The following CYTH4 variants were observed in gnomAD, a reference collection of about 807,000 sequenced individuals.
CYTH4 encodes cytohesin-4.
CYTH4 carries 22 observed loss-of-function variants against 57.5 expected under a neutral mutation model. The ratio of observed to expected loss-of-function variants is 0.38; its 90% confidence interval spans 0.27 to 0.55. The LOEUF is 0.55. Ranked by LOEUF, CYTH4 falls within the 20% of genes least tolerant of loss-of-function variation. The pLI is 0.74. For missense variants in CYTH4, 420 were observed against 535.6 expected (o/e 0.78, Z 2.13); for synonymous variants, 186 against 206.5 (o/e 0.90, Z 0.85).
At chr22:37,284,035 G>A (rs541726650) in intron 1 of CYTH4, among the ~76,000 whole-genome samples, 4 of 152,276 alleles carry the variant, frequency 2.6e-5, no homozygotes, top group East Asian at 1.9e-4. Flanking sequence ...AACTAGAGAC[G>A]GGGACTGACT....
In CYTH4 at chr22:37,295,296, G is replaced by A. The variant is rs962615659; in HGVS notation, c.167+572G>A. On this transcript the variant is annotated intron_variant, in intron 3 of 12. Transcript: ENST00000248901. The surrounding 1 kb of genome is among the most constrained non-coding windows in gnomAD (Gnocchi z 4.1). ...CAGTGCACTGACTCTGACACACGATGTCCTGGCAATTTCCCATCCTGCGCC... is the reference window on the plus strand; with the variant it reads ...CAGTGCACTGACTCTGACACACGATATCCTGGCAATTTCCCATCCTGCGCC... Among the ~76,000 whole-genome samples the A allele has an allele frequency of 2.6e-5, 4 of 151,194 alleles. No homozygotes were observed. The highest frequency in any genetic ancestry group is 6.6e-5 in the Admixed American group (1 of 15,202).
Position 37,295,928 on chromosome 22 carries a change from G to A in CYTH4, c.168-71G>A. On this transcript the variant is annotated intron_variant, in intron 3 of 12. Coordinates refer to ENST00000248901, the MANE Select transcript of CYTH4 (RefSeq NM_013385.5). This position sits in a 1 kb window ranked among gnomAD's most constrained non-coding sequence, Gnocchi z 4.1. Reference sequence around the variant, plus strand: ...GGGGTATGGGCTCCTGCTGAGGCAAGGGTCCTTGGGGAGTGGAGAGGGTAA... The same window carrying A: ...GGGGTATGGGCTCCTGCTGAGGCAAAGGTCCTTGGGGAGTGGAGAGGGTAA... 2.6e-6 allele frequency: 4 copies of A among 1,519,382 alleles called. No individual in the cohort carries two copies. The highest frequency in any genetic ancestry group is 1.2e-5 in the South Asian group (1 of 84,962). 94.1% of individuals were successfully genotyped at this position (1,519,382 alleles called of 1,614,324 possible). A position where few individuals can be genotyped will look rare whatever the true frequency, so the allele number is the denominator to read the frequency against.
In CYTH4 at chr22:37,303,161, C is replaced by A; in HGVS notation, c.548-93C>A. 5.6e-6 allele frequency: 8 copies of A among 1,439,048 alleles called. No individual in the cohort carries two copies. The Admixed American group carries it at 7.3e-5, about 13-fold the overall frequency. The allele number at this position is 1,439,048 out of a possible 1,614,324, so 89.1% of individuals were successfully genotyped here. A position where few individuals can be genotyped will look rare whatever the true frequency, so the allele number is the denominator to read the frequency against. On this transcript the variant is annotated intron_variant, in intron 7 of 12. Coordinates refer to ENST00000248901, the MANE Select transcript of CYTH4 (RefSeq NM_013385.5). Reference sequence around the variant, plus strand: ...AGGAGGACAAGGTGGACCTTCGGGGCCTTGCAATGGCAGTTCTGGGCCCTG... The same window carrying A: ...AGGAGGACAAGGTGGACCTTCGGGGACTTGCAATGGCAGTTCTGGGCCCTG...
At chr22:37,291,886 G>GCA (rs1207516985) in intron 1 of CYTH4, among the ~76,000 whole-genome samples, 2 of 152,212 alleles carry the variant, frequency 1.3e-5, no homozygotes, top group African/African-American at 4.8e-5. Context: ...AGATGAAAGA[G>GCA]CACAGGCTTT....
In CYTH4 at chr22:37,313,603, T is replaced by C. The variant is rs568101426; in HGVS notation, c.*92T>C. 309 of 1,169,162 alleles carry C rather than the reference T, an allele frequency of 2.6e-4. No individual in the cohort carries two copies. Among genetic ancestry groups the C allele is most frequent in the Non-Finnish European group, 3.6e-5 (28 of 783,976 alleles). The allele number at this position is 1,169,162 out of a possible 1,614,324, so 72.4% of individuals were successfully genotyped here. On this transcript the variant is annotated 3_prime_UTR_variant, in exon 13 of 13. Transcript: ENST00000248901. Reference sequence around the variant, plus strand: ...CCACCTCCCACCCCAGTGCACTCTTTTGGGCCACAGACATCATTGCTGTTC... The same window carrying C: ...CCACCTCCCACCCCAGTGCACTCTTCTGGGCCACAGACATCATTGCTGTTC...
chr22:37,282,515 A>C lies in CYTH4; in HGVS notation c.-55A>C. The C allele has an allele frequency of 6.2e-7, 1 of 1,612,322 alleles. No homozygotes were observed. The highest frequency in any genetic ancestry group is 8.5e-7 in the Non-Finnish European group (1 of 1,179,298). ...TCCTTGCCGGGCCAGCCCGAACAGCAGCTGGGTCGGCAAGCGACAGGAGCA... is the reference window on the plus strand; with the variant it reads ...TCCTTGCCGGGCCAGCCCGAACAGCCGCTGGGTCGGCAAGCGACAGGAGCA... On this transcript the variant is annotated 5_prime_UTR_variant, in exon 1 of 13. Transcript: ENST00000248901.
chr22:37,284,449 G>A (rs1928476734), intron 1 of CYTH4, among the ~76,000 whole-genome samples: 1 of 152,210 alleles, frequency 6.6e-6, no homozygotes, highest in Non-Finnish European at 1.5e-5. Flanking sequence ...GGGCAGAGGA[G>A]ATCTGGGAAG....
intron 1 of CYTH4, among the ~76,000 whole-genome samples, chr22:37,285,402 A>T (rs1457031641): frequency 1.3e-5 from 2 of 152,068 alleles, no homozygotes; most frequent in Non-Finnish European, 2.9e-5. Context: ...TATTATTATT[A>T]GTATTTAAAA....
At chr22:37,299,188 C>G (rs1356050037) in intron 5 of CYTH4, 38 bp from the exon 6 acceptor site, 1 of 1,542,394 alleles carries the variant, frequency 6.5e-7, no homozygotes, top group South Asian at 1.1e-5. Flanking sequence ...AGCAAGTATC[C>G]AAGTGTGTCC....
chr22:37,286,211 G>A (rs534221923), intron 1 of CYTH4, among the ~76,000 whole-genome samples: 5 of 152,250 alleles, frequency 3.3e-5, no homozygotes, highest in South Asian at 2.1e-4. Flanking sequence ...TTGATGGTTC[G>A]TATGGAGAGA....
intron 2 of CYTH4, among the ~76,000 whole-genome samples, chr22:37,293,071 C>T (rs916108587): frequency 1.3e-5 from 2 of 152,252 alleles, no homozygotes. Context: ...CAGTATGTGC[C>T]CTGCACTTAC....
intron 4 of CYTH4, 116 bp from the exon 5 acceptor site, chr22:37,297,448 C>A: frequency 1.1e-6 from 1 of 870,134 alleles, no homozygotes; most frequent in Non-Finnish European, 1.8e-6. Context: ...ACAGACTGTG[C>A]CAACACCAGA....
At chr22:37,287,242 C>G (rs1439861730) in intron 1 of CYTH4, among the ~76,000 whole-genome samples, 1 of 152,102 alleles carries the variant, frequency 6.6e-6, no homozygotes, top group Non-Finnish European at 1.5e-5. Flanking sequence ...GAGCCAGGAG[C>G]TGATGAAGCC....
At chr22:37,308,407 TAAGAGTGCATGTATATGCACGC>T (rs1929481635) in intron 8 of CYTH4, among the ~76,000 whole-genome samples, 1 of 151,756 alleles carries the variant, frequency 6.6e-6, no homozygotes. Flanking sequence ...CATGCATGTA[TAAGAGTGCATGTATATGCACGC>T]AAGCGTGCAT....
rs1355165722 is a variant in CYTH4, at chr22:37,313,629, C to T, written c.*118C>T. 1.4e-5 allele frequency: 13 copies of T among 933,054 alleles called. No individual in the cohort carries two copies. The highest frequency in any genetic ancestry group is 1.6e-5 in the African/African-American group (1 of 61,068). 57.8% of individuals were successfully genotyped at this position (933,054 alleles called of 1,614,324 possible). A position where few individuals can be genotyped will look rare whatever the true frequency, so the allele number is the denominator to read the frequency against. On this transcript the variant is annotated 3_prime_UTR_variant, in exon 13 of 13. Transcript: ENST00000248901. ...TGGGCCACAGACATCATTGCTGTTCCCCGTTACCTCGAGCTGACTCTAGAG... is the reference window on the plus strand; with the variant it reads ...TGGGCCACAGACATCATTGCTGTTCTCCGTTACCTCGAGCTGACTCTAGAG...
At chr22:37,289,829 C>T (rs937736510) in intron 1 of CYTH4, among the ~76,000 whole-genome samples, 1 of 152,190 alleles carries the variant, frequency 6.6e-6, no homozygotes, top group African/African-American at 2.4e-5. Flanking sequence ...GTATATAATT[C>T]TCTGCTAGAA....
chr22:37,311,819 T>A lies in CYTH4; in HGVS notation c.958-201T>A. ...AACCTCAGTGAGCCCACATGTCACG[T>A]GGGGACTTTAGGGAGGATGGTGGAT... On this transcript the variant is annotated intron_variant, in intron 11 of 12. Coordinates refer to ENST00000248901, the MANE Select transcript of CYTH4 (RefSeq NM_013385.5). This position sits in a 1 kb window ranked among gnomAD's most constrained non-coding sequence, Gnocchi z 4.4. 1 of 728,848 alleles carries A rather than the reference T, an allele frequency of 1.4e-6. No individual in the cohort carries two copies. The highest frequency in any genetic ancestry group is 2.2e-6 in the Non-Finnish European group (1 of 453,706). 45.1% of individuals were successfully genotyped at this position (728,848 alleles called of 1,614,324 possible).
chr22:37,292,149 A>T (rs1290905174), intron 1 of CYTH4: 2 of 154,598 alleles, frequency 1.3e-5, no homozygotes, highest in Non-Finnish European at 2.9e-5. Context: ...ATGGTATACC[A>T]CTTCTTGGTT....
chr22:37,313,636 C>CCTCTAGAGTCAG lies in CYTH4; in HGVS notation c.*128_*129insTAGAGTCAGCTC. ...CAGACATCATTGCTGTTCCCCGTTACCTCGAGCTGACTCTAGAGGGGAAGG... is the reference window on the plus strand; with the variant it reads ...CAGACATCATTGCTGTTCCCCGTTACCTCTAGAGTCAGCTCGAGCTGACTCTAGAGGGGAAGG... On this transcript the variant is annotated 3_prime_UTR_variant, in exon 13 of 13. Coordinates refer to ENST00000248901, the MANE Select transcript of CYTH4 (RefSeq NM_013385.5). 1 of 884,488 alleles carries CCTCTAGAGTCAG rather than the reference C, an allele frequency of 1.1e-6. No individual in the cohort carries two copies. Among genetic ancestry groups the CCTCTAGAGTCAG allele is most frequent in the Non-Finnish European group, 1.8e-6 (1 of 555,300 alleles). The allele number at this position is 884,488 out of a possible 1,614,324, so 54.8% of individuals were successfully genotyped here.
Sources: gnomAD v4.1 joint callset for allele counts (sites outside exome capture counted in the v4.1 genomes callset) on GRCh38, gnomAD v4.1.1 for gene constraint, Gnocchi (gnomAD v3.1) non-coding constraint, MANE v1.5 for transcripts, NCBI Gene and HGNC (gene_info 2026-07-23, HGNC 2026-07-21) for gene names.